OTOGL: variants seen among roughly 807,000 people sequenced by gnomAD.
OTOGL encodes otogelin-like protein.
OTOGL carries 285 observed loss-of-function variants against 318.5 expected under a neutral mutation model. The observed-to-expected ratio is 0.89, with a 90% confidence interval of 0.81 to 0.99. The LOEUF is 0.99. OTOGL is among the 50% of genes least tolerant of loss of function. The pLI, the probability that OTOGL is intolerant of heterozygous loss-of-function variation, is 0.00. For missense variants in OTOGL, 2,899 were observed against 2,845.6 expected, an observed-to-expected ratio of 1.02 and a Z score of -0.43; for synonymous variants, 987 against 936.5, an observed-to-expected ratio of 1.05 and a Z score of -0.99.
At chr12:80,104,254 T>A (rs1295412521) in intron 1 of OTOGL, among the ~76,000 whole-genome samples, 1 of 152,190 alleles carries the variant, frequency 6.6e-6, no homozygotes, top group Non-Finnish European at 1.5e-5. Context: ...CAGGATCCAG[T>A]GAGAAACATC....
chr12:80,138,614 T>A (rs1028802724), intron 1 of OTOGL, among the ~76,000 whole-genome samples: 1 of 152,164 alleles, frequency 6.6e-6, no homozygotes, highest in Non-Finnish European at 1.5e-5. Context: ...ATTACTTTAG[T>A]GGTCAAATGA....
chr12:80,259,102 T>A (rs1282699582), intron 18 of OTOGL, among the ~76,000 whole-genome samples: 1 of 151,420 alleles, frequency 6.6e-6, no homozygotes, highest in Non-Finnish European at 1.5e-5. Flanking sequence ...ACCTTAATTT[T>A]AAAAATAAAA....
chr12:80,273,516 AC>A (rs1883568405), intron 24 of OTOGL, among the ~76,000 whole-genome samples: 1 of 152,136 alleles, frequency 6.6e-6, no homozygotes, highest in Non-Finnish European at 1.5e-5. Context: ...AAGTTACTTA[AC>A]CACTTGAAAT....
intron 1 of OTOGL, among the ~76,000 whole-genome samples, chr12:80,118,867 T>TC: frequency 6.6e-6 from 1 of 151,450 alleles, no homozygotes; most frequent in African/African-American, 2.4e-5. Flanking sequence ...TAGATCTGTT[T>TC]TTTTTTTTTT....
chr12:80,256,242 C>T, intron 16 of OTOGL, 95 bp from the exon 17 acceptor site: 1 of 1,355,164 alleles, frequency 7.4e-7, no homozygotes, highest in Non-Finnish European at 9.9e-7. Context: ...CTCTCTTTCT[C>T]CCCTTCTCCC....
Position 80,257,839 on chromosome 12 carries a change from C to A in OTOGL, c.1726C>A (p.Gln576Lys). 1 of 1,576,008 alleles carries A rather than the reference C, an allele frequency of 6.3e-7. No individual in the cohort carries two copies. Among genetic ancestry groups the A allele is most frequent in the East Asian group, 2.2e-5 (1 of 44,682 alleles). ...GFNLNGIVEI[Q>K]TLSSLFILLK... ...TTTTCCTGCAGGTATTGTTGAAATTCAAACTCTGTCATCCTTATTTATACT... is the reference window on the plus strand; with the variant it reads ...TTTTCCTGCAGGTATTGTTGAAATTAAAACTCTGTCATCCTTATTTATACT... The change falls in exon 18 of 59, where the codon CAA (glutamine) becomes AAA (lysine). Residue 576 changes from glutamine (Q) to lysine (K), a missense_variant. This residue lies in a region of OTOGL where 2,607 missense variants were observed against 2,524.9 expected (regional missense o/e 1.03). Transcript: ENST00000547103.
chr12:80,234,078 T>C (rs1012685854), intron 9 of OTOGL, among the ~76,000 whole-genome samples: 14 of 152,020 alleles, frequency 9.2e-5, no homozygotes, highest in African/African-American at 3.4e-4. Flanking sequence ...CTGTTCAAGA[T>C]GAGGTCTTGC....
intron 1 of OTOGL, among the ~76,000 whole-genome samples, chr12:80,170,960 G>C (rs1021636923): frequency 6.6e-6 from 1 of 152,114 alleles, no homozygotes; most frequent in African/African-American, 2.4e-5. Context: ...CAAATGCATG[G>C]AGATTTTCTC....
At position 80,297,331 on chromosome 12, in the gene OTOGL, CTT is replaced by C. The variant is rs5799464; in HGVS notation, c.3063+387_3063+388del. ...CATAGGTAGTTTTATTTGTATATGT[CTT>C]TTTTTTTTTTTTTTTTGAGACAGAG... is the stretch of plus-strand genomic sequence containing the variant. On this transcript the variant is annotated intron_variant, in intron 27 of 58. Transcript: ENST00000547103. Among the ~76,000 whole-genome samples the C allele has an allele frequency of 4.2e-3, 590 of 140,690 alleles. 4 individuals carry two copies. Among genetic ancestry groups the C allele is most frequent in the African/African-American group, 0.015 (554 of 37,926 alleles). 92.3% of individuals were successfully genotyped at this position (140,690 alleles called of 152,430 possible). A position where few individuals can be genotyped will look rare whatever the true frequency, so the allele number is the denominator to read the frequency against.
intron 30 of OTOGL, 123 bp downstream of exon 30, chr12:80,310,850 G>A: frequency 1.5e-6 from 1 of 679,532 alleles, no homozygotes; most frequent in East Asian, 2.8e-5. Flanking sequence ...CCTAACTATT[G>A]TTAGGGGGGC....
chr12:80,250,026 C>A (rs970503556), intron 11 of OTOGL, among the ~76,000 whole-genome samples: 5 of 151,938 alleles, frequency 3.3e-5, no homozygotes, highest in African/African-American at 9.7e-5. Context: ...CTTCGGCTCG[C>A]GCACGGTGCG....
chr12:80,357,425 A>G (rs1889977721), intron 49 of OTOGL, among the ~76,000 whole-genome samples: 1 of 152,002 alleles, frequency 6.6e-6, no homozygotes, highest in Non-Finnish European at 1.5e-5. Context: ...TTTTCAAATG[A>G]ATCATTATAT....
chr12:80,326,481 T>C (rs2400713), intron 35 of OTOGL, among the ~76,000 whole-genome samples: 54,982 of 152,040 alleles, frequency 0.36, 10,096 homozygotes, highest in Middle Eastern at 0.48. Context: ...GTTAATAGTT[T>C]TTTAAAAAGT....
At chr12:80,367,097 T>G (rs1488931566) in intron 53 of OTOGL, among the ~76,000 whole-genome samples, 1 of 150,576 alleles carries the variant, frequency 6.6e-6, no homozygotes, top group East Asian at 1.9e-4. Flanking sequence ...CCACCTTAAC[T>G]GCCTGAGTAG....
chr12:80,296,690 A>G, intron 26 of OTOGL, 137 bp from the exon 27 acceptor site: 1 of 564,770 alleles, frequency 1.8e-6, no homozygotes, highest in Non-Finnish European at 2.5e-6. Flanking sequence ...GTTAAAAATG[A>G]CTTTTTATTT....
At chr12:80,231,386 G>A (rs553066057) in intron 8 of OTOGL, among the ~76,000 whole-genome samples, 20 of 152,022 alleles carry the variant, frequency 1.3e-4, no homozygotes, top group Middle Eastern at 3.4e-3. Flanking sequence ...CTGTAAATAA[G>A]TATCTGTAAA....
chr12:80,307,931 A>C (rs1592687253), intron 29 of OTOGL, among the ~76,000 whole-genome samples: 2 of 88,920 alleles, frequency 2.2e-5, no homozygotes, highest in Non-Finnish European at 2.2e-5. Context: ...TGACCCCCCC[A>C]CCTCCCTCCC....
chr12:80,346,724 G>C (rs563975532), intron 44 of OTOGL, among the ~76,000 whole-genome samples: 5 of 152,182 alleles, frequency 3.3e-5, no homozygotes, highest in Non-Finnish European at 5.9e-5. Context: ...AATGATGATG[G>C]ATTCTGCTGG....
intron 30 of OTOGL, among the ~76,000 whole-genome samples, chr12:80,311,810 T>A (rs937340351): frequency 3.9e-5 from 6 of 152,192 alleles, no homozygotes; most frequent in African/African-American, 1.4e-4. Flanking sequence ...AATTAGAGTT[T>A]TGTAAAAGTT....
Sources: allele counts gnomAD v4.1 joint callset (sites outside exome capture counted in the v4.1 genomes callset), GRCh38; gene constraint gnomAD v4.1.1; regional missense constraint gnomAD v4.1.1; transcripts MANE v1.5; gene names NCBI Gene and HGNC (gene_info 2026-07-23, HGNC 2026-07-21).